PIK3R5: variants seen among roughly 807,000 people sequenced by gnomAD.
PIK3R5 encodes phosphoinositide 3-kinase regulatory subunit 5.
PIK3R5 carries 32 observed loss-of-function variants against 94.9 expected under a neutral mutation model. That is an observed-to-expected ratio of 0.34 (90% CI 0.25 to 0.45). PIK3R5 has a LOEUF of 0.45. Ranked by LOEUF, PIK3R5 falls within the 20% of genes least tolerant of loss-of-function variation. PIK3R5 has a pLI of 1.00. For missense variants in PIK3R5, 853 were observed against 1,144.6 expected, an observed-to-expected ratio of 0.75 and a Z score of 3.68; for synonymous variants, 443 against 479.4, an observed-to-expected ratio of 0.92 and a Z score of 0.99.
intron 3 of PIK3R5, among the ~76,000 whole-genome samples, chr17:8,907,338 A>G (rs773841385): frequency 4.6e-5 from 7 of 151,948 alleles, no homozygotes; most frequent in Non-Finnish European, 8.8e-5. Context: ...GCATCTTATT[A>G]GTTTCATTGT....
intron 3 of PIK3R5, among the ~76,000 whole-genome samples, chr17:8,906,237 G>C (rs2090395024): frequency 6.6e-6 from 1 of 152,088 alleles, no homozygotes; most frequent in Admixed American, 6.5e-5. Flanking sequence ...TCCCACTTAT[G>C]AGTGAGAACA....
At chr17:8,943,908 T>G (rs59373712) in intron 1 of PIK3R5, among the ~76,000 whole-genome samples, 5,966 of 152,070 alleles carry the variant, frequency 0.039, 372 homozygotes, top group African/African-American at 0.14. Context: ...ACTTTTATTT[T>G]AGGTGCGGGG....
chr17:8,939,079 G>C (rs898062975), intron 1 of PIK3R5, among the ~76,000 whole-genome samples: 1 of 152,186 alleles, frequency 6.6e-6, no homozygotes, highest in Admixed American at 6.5e-5. Flanking sequence ...GCTGGAAGAG[G>C]CAGGCACTTT....
chr17:8,880,885 C>T lies in PIK3R5; in HGVS notation c.2495+20G>A, dbSNP rs2089638559. ...GTGGGAGCAGAAACTGCTCCCCTCC[C>T]TAGGACCCCCCTTTCCTACCTGACT... is the stretch of plus-strand genomic sequence containing the variant. On this transcript the variant is annotated intron_variant, in intron 18 of 18. Transcript: ENST00000447110. 1.2e-6 allele frequency: 2 copies of T among 1,613,140 alleles called. No individual in the cohort carries two copies. The highest frequency in any genetic ancestry group is 2.2e-5 in the East Asian group (1 of 44,876).
Position 8,904,638 on chromosome 17 carries a change from A to C in PIK3R5, c.412+139T>G, listed in dbSNP as rs965094146. The C allele has an allele frequency of 5.2e-6, 4 of 772,136 alleles. No individual in the cohort carries two copies. The African/African-American group carries it at 6.9e-5, about 13-fold the overall frequency. The allele number at this position is 772,136 out of a possible 1,614,324, so 47.8% of individuals were successfully genotyped here. ...GATGGTGCTGTGAAGAGGAGACTCC[A>C]TGTTTGTGAACCAAGGCGTTGGCAG... On this transcript the variant is annotated intron_variant, in intron 5 of 18. Transcript: ENST00000447110. The surrounding 1 kb of genome is among the most constrained non-coding windows in gnomAD (Gnocchi z 5.1).
intron 1 of PIK3R5, among the ~76,000 whole-genome samples, chr17:8,954,535 T>G (rs1282555653): frequency 6.6e-6 from 1 of 152,228 alleles, no homozygotes; most frequent in Admixed American, 6.5e-5. Flanking sequence ...ATGCAGAAGC[T>G]GTCACCAGAC....
chr17:8,886,234 G>A lies in PIK3R5; in HGVS notation c.2123C>T (p.Ala708Val). The change falls in exon 14 of 19, where the codon GCG (alanine) becomes GTG (valine). Residue 708 changes from alanine to valine, a missense_variant. Ala to Val is a moderately conservative substitution (Grantham distance 64, BLOSUM62 0). Around this residue, in one of 6 missense-constraint regions of PIK3R5, gnomAD observed 173 missense variants for 274.1 expected, o/e 0.63. Transcript: ENST00000447110. ...GHSAATRAIK[A>V]SGPGSKRLGI... ...TCTGCTCAGGCAGTACCCACCTGAC[G>A]CCTTGATGGCACGTGTGGCAGCGGA... The A allele has an allele frequency of 1.2e-6, 2 of 1,611,254 alleles. No homozygotes were observed. Among genetic ancestry groups the A allele is most frequent in the Non-Finnish European group, 1.7e-6 (2 of 1,178,508 alleles).
At chr17:8,900,633 C>A (rs926836673) in intron 5 of PIK3R5, among the ~76,000 whole-genome samples, 2 of 152,140 alleles carry the variant, frequency 1.3e-5, no homozygotes, top group Non-Finnish European at 2.9e-5. Context: ...TTCCAAGAGT[C>A]CCCCCTGCTC....
In PIK3R5 at chr17:8,911,333, CCGTGGCCCCTGAGGCTT is replaced by C; in HGVS notation, c.103+42_103+58del. ...GTTTCCATGCCTGGTCCAGTGCCCA[CCGTGGCCCCTGAGGCTT>C]CCTTGAGCCCTCAAACACCTCCCCG... On this transcript the variant is annotated intron_variant, in intron 2 of 18. Transcript: ENST00000447110. The surrounding 1 kb of genome is among the most constrained non-coding windows in gnomAD (Gnocchi z 5.3). 7.5e-7 allele frequency: 1 copy of C among 1,337,508 alleles called. No homozygotes were observed. Among genetic ancestry groups the C allele is most frequent in the South Asian group, 1.2e-5 (1 of 85,182 alleles). The allele number at this position is 1,337,508 out of a possible 1,614,324, so 82.9% of individuals were successfully genotyped here.
intron 1 of PIK3R5, among the ~76,000 whole-genome samples, chr17:8,930,159 A>T (rs898174891): frequency 4.2e-4 from 64 of 152,150 alleles, no homozygotes; most frequent in African/African-American, 1.5e-3. Flanking sequence ...GTACTTACGG[A>T]ACATAAACTA....
chr17:8,918,851 C>T lies in PIK3R5; in HGVS notation c.-13-7344G>A, dbSNP rs545705953. 1.2e-4 allele frequency among the ~76,000 whole-genome samples: 19 copies of T among 152,294 alleles called. No homozygotes were observed. The South Asian group carries it at 2.3e-3, about 18-fold the overall frequency. On this transcript the variant is annotated intron_variant, in intron 1 of 18. Transcript: ENST00000447110. ...GCTATACATATCAGCATCATGTATC[C>T]CCTGCTGTAATGCACTGAGAAGGGA...
chr17:8,963,946 T>C (rs1312889099), intron 1 of PIK3R5, among the ~76,000 whole-genome samples: 1 of 152,044 alleles, frequency 6.6e-6, no homozygotes, highest in African/African-American at 2.4e-5. Context: ...AGCTTGACCA[T>C]CCAAAACTGT....
rs144082551 is a variant in PIK3R5 at position 8,962,267 on chromosome 17, C to A, written c.-14+3329G>T. Among the ~76,000 whole-genome samples the A allele has an allele frequency of 2.8e-3, 423 of 152,034 alleles. 5 individuals carry two copies. The highest frequency in any genetic ancestry group is 9.3e-3 in the African/African-American group (386 of 41,434). ...AGTGCCCAACACCATGAAGTCATAG[C>A]CAAAGGAGAAAAGGACAGGGAGAAA... On this transcript the variant is annotated intron_variant, in intron 1 of 18. Transcript: ENST00000447110.
chr17:8,918,095 A>AT (rs1179129522), intron 1 of PIK3R5, among the ~76,000 whole-genome samples: 6 of 152,246 alleles, frequency 3.9e-5, no homozygotes, highest in Admixed American at 3.9e-4. Context: ...AATTTTAAAA[A>AT]GATGTATGTG....
At chr17:8,913,485 T>C (rs1450292220) in intron 1 of PIK3R5, among the ~76,000 whole-genome samples, 1 of 152,170 alleles carries the variant, frequency 6.6e-6, no homozygotes, top group Non-Finnish European at 1.5e-5. Context: ...GGTGGGCGGA[T>C]CACTTGAGGT....
rs764724286 is a variant in PIK3R5 at position 8,888,187 on chromosome 17, C to T, written c.1600G>A (p.Ala534Thr). 5 of 1,613,360 alleles carry T rather than the reference C, an allele frequency of 3.1e-6. No homozygotes were observed. The highest frequency in any genetic ancestry group is 4.2e-6 in the Non-Finnish European group (5 of 1,179,944). ...SDRISGKVARAYSNLRRLENN... is the reference protein window; with the variant it reads ...SDRISGKVARTYSNLRRLENN... ...GGCTCTTACCGAAGGTTGCTGTACG[C>T]CCGAGCCACCTTCCCTGAAATCCGA... Residue 534 changes from alanine (A) to threonine (T), a missense_variant, in exon 10 of 19, where the codon GCG becomes ACG. By Grantham distance (58) the Ala-to-Thr change is moderately conservative. Around this residue, in one of 6 missense-constraint regions of PIK3R5, gnomAD observed 319 missense variants for 339.8 expected, o/e 0.94. Coordinates refer to ENST00000447110, the MANE Select transcript of PIK3R5 (RefSeq NM_001142633.3). This position sits in a 1 kb window ranked among gnomAD's most constrained non-coding sequence, Gnocchi z 7.8.
chr17:8,947,190 A>C (rs2091288498), intron 1 of PIK3R5, among the ~76,000 whole-genome samples: 1 of 152,228 alleles, frequency 6.6e-6, no homozygotes, highest in Non-Finnish European at 1.5e-5. Context: ...GACTGGCAGA[A>C]TCTTTGCCTG....
intron 12 of PIK3R5, among the ~76,000 whole-genome samples, chr17:8,886,892 T>C (rs2089872598): frequency 6.6e-6 from 1 of 152,170 alleles, no homozygotes; most frequent in Non-Finnish European, 1.5e-5. Flanking sequence ...CCCTCCTCCA[T>C]CACTGCAGTG....
At position 8,955,022 on chromosome 17, in the gene PIK3R5, G is replaced by A. The variant is rs2091444590; in HGVS notation, c.-14+10574C>T. Among the ~76,000 whole-genome samples the A allele has an allele frequency of 6.6e-6, 1 of 152,052 alleles. No homozygotes were observed. The highest frequency in any genetic ancestry group is 2.4e-5 in the African/African-American group (1 of 41,398). ...TCTGGAGTTTGCCAGAGGCTCAGGG[G>A]TCTGAAGCAGCCCAGAGGAGGACAC... On this transcript the variant is annotated intron_variant, in intron 1 of 18. Transcript: ENST00000447110. This position sits in a 1 kb window ranked among gnomAD's most constrained non-coding sequence, Gnocchi z 4.4.
Sources: allele counts gnomAD v4.1 joint callset (sites outside exome capture counted in the v4.1 genomes callset), GRCh38; gene constraint gnomAD v4.1.1; regional missense constraint gnomAD v4.1.1; non-coding constraint Gnocchi (gnomAD v3.1); transcripts MANE v1.5; gene names NCBI Gene and HGNC (gene_info 2026-07-23, HGNC 2026-07-21).